The following CEP70 variants were observed in gnomAD, a reference collection of about 807,000 sequenced individuals.
CEP70 encodes centrosomal protein 70, also known as centrosomal protein of 70 kDa.
CEP70 carries 70 observed loss-of-function variants against 90.9 expected under a neutral mutation model. The observed-to-expected ratio is 0.77, with a 90% CI of 0.64 to 0.94. The LOEUF is 0.94. CEP70 is among the 40% of genes least tolerant of loss of function. The pLI, the probability that CEP70 is intolerant of heterozygous loss-of-function variation, is 0.00. For missense variants in CEP70, 648 were observed against 669.0 expected, an observed-to-expected ratio of 0.97 and a Z score of 0.35; for synonymous variants, 220 against 228.3, an observed-to-expected ratio of 0.96 and a Z score of 0.33.
intron 10 of CEP70, among the ~76,000 whole-genome samples, chr3:138,526,295 G>C (rs1420546417): frequency 6.6e-6 from 1 of 151,986 alleles, no homozygotes; most frequent in Non-Finnish European, 1.5e-5. Context: ...TGAATAGCTG[G>C]GACTACCGAT....
intron 13 of CEP70, among the ~76,000 whole-genome samples, chr3:138,502,630 T>C (rs1008351654): frequency 4.6e-5 from 7 of 151,746 alleles, no homozygotes; most frequent in Admixed American, 3.9e-4. Context: ...TAATCTATGG[T>C]AAAAAGCATA....
intron 5 of CEP70, among the ~76,000 whole-genome samples, chr3:138,570,782 T>C (rs1011962658): frequency 6.6e-6 from 1 of 152,176 alleles, no homozygotes; most frequent in African/African-American, 2.4e-5. Context: ...TTTCAATTTT[T>C]GGAGCCTTTC....
chr3:138,501,908 T>C (rs2034543554), intron 13 of CEP70, among the ~76,000 whole-genome samples: 1 of 152,350 alleles, frequency 6.6e-6, no homozygotes, highest in African/African-American at 2.4e-5. Context: ...GATGCTCAAA[T>C]GGCATATATT....
intron 2 of CEP70, among the ~76,000 whole-genome samples, chr3:138,575,962 G>T (rs1374225949): frequency 6.6e-6 from 1 of 152,218 alleles, no homozygotes; most frequent in African/African-American, 2.4e-5. Context: ...CACTAAACAT[G>T]GAAAGGAACA....
chr3:138,527,689 C>T (rs1212788251), intron 10 of CEP70, among the ~76,000 whole-genome samples: 48 of 109,198 alleles, frequency 4.4e-4, no homozygotes, highest in Middle Eastern at 4.1e-3. Flanking sequence ...AGCAAGACTC[C>T]GTCTCAAAAA....
chr3:138,517,953 C>T (rs747056987), intron 11 of CEP70, among the ~76,000 whole-genome samples: 42 of 152,320 alleles, frequency 2.8e-4, no homozygotes, highest in Non-Finnish European at 4.9e-4. Flanking sequence ...GGGTGACAGA[C>T]AGCACCTGGA....
At chr3:138,584,353 C>T (rs1364961750) in intron 2 of CEP70, among the ~76,000 whole-genome samples, 1 of 150,460 alleles carries the variant, frequency 6.6e-6, no homozygotes, top group East Asian at 2.0e-4. Flanking sequence ...AAAGAATTAA[C>T]ACCAACCCTA....
chr3:138,517,243 A>C (rs1223335697), intron 11 of CEP70, among the ~76,000 whole-genome samples: 2 of 152,250 alleles, frequency 1.3e-5, no homozygotes, highest in Non-Finnish European at 2.9e-5. Flanking sequence ...TATATAGCCA[A>C]ATCCAGCATG....
chr3:138,523,626 T>C (rs1232167063), intron 11 of CEP70, among the ~76,000 whole-genome samples: 1 of 152,072 alleles, frequency 6.6e-6, no homozygotes, highest in African/African-American at 2.4e-5. Context: ...CCATTCACAA[T>C]TGCTTCAAAG....
At chr3:138,521,157 A>G (rs2036581612) in intron 11 of CEP70, among the ~76,000 whole-genome samples, 1 of 152,110 alleles carries the variant, frequency 6.6e-6, no homozygotes, top group South Asian at 2.1e-4. Flanking sequence ...TCGGCTCGCT[A>G]CAACCTCCAC....
rs1213847026 is a variant in CEP70 at position 138,578,403 on chromosome 3, A to T, written c.-5-5471T>A. ...TTCATTGGTATCGCTAATATTCACT[A>T]TGGCACTAACATGAAACAGGAAGTG... On this transcript the variant is annotated intron_variant, in intron 2 of 17. Coordinates refer to ENST00000264982, the MANE Select transcript of CEP70 (RefSeq NM_024491.4). 2.0e-5 allele frequency among the ~76,000 whole-genome samples: 3 copies of T among 152,306 alleles called. No homozygotes were observed. The East Asian group carries it at 5.8e-4, about 29-fold the overall frequency.
At chr3:138,551,084 A>C (rs1227714270) in intron 6 of CEP70, among the ~76,000 whole-genome samples, 2 of 152,238 alleles carry the variant, frequency 1.3e-5, no homozygotes, top group African/African-American at 4.8e-5. Flanking sequence ...ATTTAAAGTC[A>C]AGACAAAGGA....
chr3:138,573,154 T>C (rs925737425), intron 2 of CEP70, among the ~76,000 whole-genome samples: 3 of 152,084 alleles, frequency 2.0e-5, no homozygotes, highest in African/African-American at 7.2e-5. Context: ...AATGTTCTCC[T>C]CTGGAAATAA....
intron 6 of CEP70, among the ~76,000 whole-genome samples, chr3:138,548,400 G>T (rs1299513487): frequency 2.0e-5 from 3 of 152,184 alleles, no homozygotes; most frequent in Admixed American, 2.0e-4. Context: ...TTCCTCCAAA[G>T]AGGATTTTGA....
At chr3:138,552,262 G>T (rs902204230) in intron 6 of CEP70, among the ~76,000 whole-genome samples, 6 of 152,214 alleles carry the variant, frequency 3.9e-5, no homozygotes, top group African/African-American at 1.4e-4. Flanking sequence ...CACTAGACAG[G>T]TCATCAAGAC....
At chr3:138,523,579 T>C (rs1349162437) in intron 11 of CEP70, among the ~76,000 whole-genome samples, 4 of 151,850 alleles carry the variant, frequency 2.6e-5, no homozygotes. Flanking sequence ...TATACACCAA[T>C]AACAGACAAA....
chr3:138,502,413 G>T (rs1046320343), intron 13 of CEP70, among the ~76,000 whole-genome samples: 9 of 152,008 alleles, frequency 5.9e-5, no homozygotes, highest in African/African-American at 2.2e-4. Context: ...CTCCACTTAA[G>T]GCTCAGACTT....
intron 6 of CEP70, among the ~76,000 whole-genome samples, chr3:138,566,278 A>G (rs576742392): frequency 5.3e-5 from 8 of 152,262 alleles, no homozygotes; most frequent in African/African-American, 1.4e-4. Flanking sequence ...TGATTCCTCA[A>G]GGATCTAGAA....
intron 2 of CEP70, among the ~76,000 whole-genome samples, chr3:138,575,900 C>T (rs996446065): frequency 6.6e-6 from 1 of 152,144 alleles, no homozygotes; most frequent in African/African-American, 2.4e-5. Flanking sequence ...CAAGCAAATG[C>T]AAAGAGATTG....
Sources: gnomAD v4.1 joint callset for allele counts (sites outside exome capture counted in the v4.1 genomes callset) on GRCh38, gnomAD v4.1.1 for gene constraint, MANE v1.5 for transcripts, NCBI Gene and HGNC (gene_info 2026-07-23, HGNC 2026-07-21) for gene names.